FRMD4A: variants seen among roughly 807,000 people sequenced by gnomAD.
The protein encoded by FRMD4A is FERM domain containing 4A.
A neutral mutation model predicts 129.1 loss-of-function variants in FRMD4A; 29 were observed. That is an observed-to-expected ratio of 0.22 (90% CI 0.17 to 0.31). The LOEUF is 0.31. FRMD4A is among the 10% of genes least tolerant of loss of function. The pLI, the probability that FRMD4A is intolerant of heterozygous loss-of-function variation, is 1.00. For missense variants in FRMD4A, 1,272 were observed against 1,375.8 expected (o/e 0.92, Z 1.19); for synonymous variants, 634 against 571.6 (o/e 1.11, Z -1.56).
At chr10:14,062,934 C>T (rs1834882038) in intron 2 of FRMD4A, among the ~76,000 whole-genome samples, 1 of 152,314 alleles carries the variant, frequency 6.6e-6, no homozygotes, top group African/African-American at 2.4e-5. Flanking sequence ...CATTTTATTC[C>T]TCCGGCTCTC....
chr10:14,073,733 T>C (rs1159164685), intron 2 of FRMD4A, among the ~76,000 whole-genome samples: 2 of 152,174 alleles, frequency 1.3e-5, no homozygotes, highest in East Asian at 3.8e-4. Context: ...TGTTGTGACC[T>C]ACCCACTGGT....
chr10:13,727,098 C>T (rs138928360), intron 12 of FRMD4A, among the ~76,000 whole-genome samples: 5 of 151,508 alleles, frequency 3.3e-5, no homozygotes, highest in African/African-American at 2.4e-5. Flanking sequence ...GACGGGGCTT[C>T]GCTATGTTGG....
chr10:14,066,008 T>TGTGTGTGTGTGTG (rs1588899002), intron 2 of FRMD4A, among the ~76,000 whole-genome samples: 1,445 of 139,196 alleles, frequency 0.01, 35 homozygotes, highest in African/African-American at 0.036. Context: ...GGGTATGTAT[T>TGTGTGTGTGTGTG]TGTGTGTGTG....
chr10:14,090,459 C>T (rs560321367), intron 2 of FRMD4A, among the ~76,000 whole-genome samples: 25 of 152,200 alleles, frequency 1.6e-4, no homozygotes, highest in Admixed American at 1.4e-3. Flanking sequence ...TCAACCAGCC[C>T]GTGGGCATCA....
At chr10:14,065,953 A>C (rs1022499322) in intron 2 of FRMD4A, among the ~76,000 whole-genome samples, 60 of 151,894 alleles carry the variant, frequency 4.0e-4, no homozygotes, top group Non-Finnish European at 3.4e-4. Flanking sequence ...TGCCATCAGC[A>C]AACTACAACT....
chr10:13,691,694 C>A (rs556279027), intron 15 of FRMD4A, among the ~76,000 whole-genome samples: 7 of 152,288 alleles, frequency 4.6e-5, no homozygotes, highest in African/African-American at 7.2e-5. Flanking sequence ...AGTTTGAGAA[C>A]CACTGAGCTT....
chr10:13,720,208 C>G (rs1254094569), intron 12 of FRMD4A, among the ~76,000 whole-genome samples: 1 of 152,148 alleles, frequency 6.6e-6, no homozygotes, highest in East Asian at 1.9e-4. Flanking sequence ...GCCAGCACGC[C>G]CAGCTAATTT....
At chr10:13,979,389 A>G (rs551797145) in intron 2 of FRMD4A, among the ~76,000 whole-genome samples, 1 of 152,246 alleles carries the variant, frequency 6.6e-6, no homozygotes, top group East Asian at 1.9e-4. Context: ...AGCTGACTTT[A>G]TGCTCATAGG....
rs191402554 is a variant in FRMD4A, at chr10:14,210,330, C to T, written c.45+119728G>A. Among the ~76,000 whole-genome samples the T allele has an allele frequency of 1.5e-4, 23 of 152,304 alleles. No individual in the cohort carries two copies. In the South Asian group the frequency reaches 4.6e-3, roughly 30 times the overall value. ...AAGTGAGACCCAGGCACCAAATCTG[C>T]TGGCGCCTTGGTCTTGGACTTCCCA... On this transcript the variant is annotated intron_variant, in intron 2 of 24. Coordinates refer to ENST00000357447, the MANE Select transcript of FRMD4A (RefSeq NM_018027.5).
intron 2 of FRMD4A, among the ~76,000 whole-genome samples, chr10:13,965,078 T>C (rs563673298): frequency 7.2e-4 from 109 of 151,904 alleles, no homozygotes; most frequent in African/African-American, 2.5e-3. Context: ...TTTTTTTTTT[T>C]TTTGAATTCA....
At chr10:14,076,562 C>T (rs1295864130) in intron 2 of FRMD4A, among the ~76,000 whole-genome samples, 1 of 152,052 alleles carries the variant, frequency 6.6e-6, no homozygotes, top group African/African-American at 2.4e-5. Flanking sequence ...ACCGCGTGAA[C>T]CCGGGAGGCA....
At chr10:14,229,156 G>A (rs551395680) in intron 2 of FRMD4A, among the ~76,000 whole-genome samples, 1 of 151,754 alleles carries the variant, frequency 6.6e-6, no homozygotes, top group African/African-American at 2.4e-5. Context: ...GGTGGGAGGG[G>A]AAGAGACCCT....
At chr10:14,243,933 G>A (rs548828140) in intron 2 of FRMD4A, among the ~76,000 whole-genome samples, 28 of 151,750 alleles carry the variant, frequency 1.8e-4, no homozygotes, top group African/African-American at 6.5e-4. Flanking sequence ...TAAAATAAAA[G>A]TGATCATCAG....
chr10:13,896,735 A>G (rs2094762888), intron 2 of FRMD4A, among the ~76,000 whole-genome samples: 1 of 152,182 alleles, frequency 6.6e-6, no homozygotes, highest in Admixed American at 6.5e-5. Context: ...TGAATAAAAT[A>G]AAATTGAAAC....
intron 2 of FRMD4A, among the ~76,000 whole-genome samples, chr10:13,946,961 A>C (rs1002147579): frequency 7.2e-5 from 11 of 152,174 alleles, no homozygotes; most frequent in African/African-American, 2.7e-4. Flanking sequence ...AGGAGCGCTC[A>C]TATGGGGAAG....
intron 2 of FRMD4A, among the ~76,000 whole-genome samples, chr10:14,173,048 CAA>C (rs1841555867): frequency 1.3e-5 from 2 of 152,116 alleles, no homozygotes; most frequent in Non-Finnish European, 2.9e-5. Context: ...TGTTCAATGA[CAA>C]GAGTCTATTT....
intron 2 of FRMD4A, among the ~76,000 whole-genome samples, chr10:14,039,415 T>A (rs201548923): frequency 7.5e-6 from 1 of 133,058 alleles, no homozygotes; most frequent in African/African-American, 2.7e-5. Flanking sequence ...TCCATCTATC[T>A]ATCTATCTAT....
intron 2 of FRMD4A, among the ~76,000 whole-genome samples, chr10:14,288,350 G>C (rs1277417341): frequency 6.6e-6 from 1 of 152,074 alleles, no homozygotes; most frequent in East Asian, 1.9e-4. Flanking sequence ...TGGAGGTAAG[G>C]GAAGGAGACA....
intron 2 of FRMD4A, among the ~76,000 whole-genome samples, chr10:14,316,599 C>G (rs77891215): frequency 6.6e-6 from 1 of 151,258 alleles, no homozygotes; most frequent in African/African-American, 2.4e-5. Context: ...GGAAAGTGAC[C>G]TGAGTTGGTC....
Sources: allele counts gnomAD v4.1 joint callset (sites outside exome capture counted in the v4.1 genomes callset), GRCh38; gene constraint gnomAD v4.1.1; transcripts MANE v1.5; gene names NCBI Gene and HGNC (gene_info 2026-07-23, HGNC 2026-07-21).